Variants in MPP7 observed in about 807,000 individuals in gnomAD.
The protein encoded by MPP7 is MAGUK p55 subfamily member 7.
Under a neutral mutation model 76.5 loss-of-function variants are expected in MPP7, and 60 were observed. That is an observed-to-expected ratio of 0.78 (90% CI 0.64 to 0.97). The LOEUF is 0.97. MPP7 is among the 50% of genes least tolerant of loss of function. The pLI, the probability that MPP7 is intolerant of heterozygous loss-of-function variation, is 0.00. For synonymous variants in MPP7, 237 were observed against 244.5 expected, an observed-to-expected ratio of 0.97 and a Z score of 0.29; for missense variants, 641 against 694.0, an observed-to-expected ratio of 0.92 and a Z score of 0.86.
At chr10:28,213,881 A>C (rs537221878) in intron 2 of MPP7, among the ~76,000 whole-genome samples, 1 of 151,874 alleles carries the variant, frequency 6.6e-6, no homozygotes, top group South Asian at 2.1e-4. Context: ...GATCCAGGGA[A>C]GTCATAAATT....
intron 4 of MPP7, 38 bp downstream of exon 4, chr10:28,149,944 G>A: frequency 1.9e-6 from 3 of 1,565,692 alleles, no homozygotes; most frequent in Non-Finnish European, 2.6e-6. Context: ...CAGGTCTGCA[G>A]CAGACACATC....
chr10:28,123,433 A>T (rs191677546), intron 8 of MPP7, among the ~76,000 whole-genome samples: 1 of 149,912 alleles, frequency 6.7e-6, no homozygotes, highest in East Asian at 2.0e-4. Context: ...TGCTAAGTAT[A>T]GACTTGGGAC....
At chr10:28,148,519 G>A (rs1835779564) in intron 4 of MPP7, among the ~76,000 whole-genome samples, 1 of 151,872 alleles carries the variant, frequency 6.6e-6, no homozygotes, top group Admixed American at 6.6e-5. Context: ...CTCTGGAAAA[G>A]GAATTTTCTC....
At chr10:28,152,258 T>C (rs994576685) in intron 3 of MPP7, among the ~76,000 whole-genome samples, 3 of 152,186 alleles carry the variant, frequency 2.0e-5, no homozygotes, top group Non-Finnish European at 4.4e-5. Flanking sequence ...TTTTGTGCCA[T>C]ATCAAACATT....
chr10:28,327,056 G>C (rs548692268), intron 2 of MPP7, among the ~76,000 whole-genome samples: 1 of 152,010 alleles, frequency 6.6e-6, no homozygotes, highest in Non-Finnish European at 1.5e-5. Context: ...GCATTTACTT[G>C]GGAAAGCAAA....
intron 1 of MPP7, among the ~76,000 whole-genome samples, chr10:28,256,818 CTG>C (rs1231482651): frequency 6.6e-5 from 10 of 152,316 alleles, no homozygotes; most frequent in Middle Eastern, 3.4e-3. Flanking sequence ...ATATGAGAAT[CTG>C]TGTGTCTTTC....
intron 1 of MPP7, among the ~76,000 whole-genome samples, chr10:28,255,227 C>T (rs1274132530): frequency 6.6e-6 from 1 of 152,084 alleles, no homozygotes; most frequent in Non-Finnish European, 1.5e-5. Context: ...GATTCTCCTG[C>T]CTCAGCCTCC....
intron 2 of MPP7, among the ~76,000 whole-genome samples, chr10:28,317,527 T>C (rs957565758): frequency 6.6e-6 from 1 of 152,210 alleles, no homozygotes; most frequent in Non-Finnish European, 1.5e-5. Flanking sequence ...CAAGACCCTG[T>C]ATTTAAAAAT....
At chr10:28,133,949 C>T (rs180828792) in intron 5 of MPP7, among the ~76,000 whole-genome samples, 1 of 152,014 alleles carries the variant, frequency 6.6e-6, no homozygotes, top group African/African-American at 2.4e-5. Flanking sequence ...ATTTCTTTAC[C>T]CATTATGCCT....
At chr10:28,324,860 T>C (rs948023721) in intron 2 of MPP7, among the ~76,000 whole-genome samples, 5 of 152,154 alleles carry the variant, frequency 3.3e-5, no homozygotes, top group Admixed American at 6.6e-5. Context: ...TTTTTAACAG[T>C]TGAAGAAGCT....
chr10:28,165,244 G>A (rs1197141535), intron 3 of MPP7, among the ~76,000 whole-genome samples: 1 of 152,158 alleles, frequency 6.6e-6, no homozygotes. Flanking sequence ...TAAAGATATT[G>A]ATTGGGCACT....
At chr10:28,303,162 G>A (rs534130498), upstream of MPP7, 75 of 150,562 alleles carry the variant, frequency 5.0e-4, no homozygotes, top group African/African-American at 1.7e-3. Context: ...GGCTGCGAAG[G>A]CGATAGGCGT....
intron 11 of MPP7, among the ~76,000 whole-genome samples, chr10:28,107,925 C>A (rs1834375441): frequency 6.6e-6 from 1 of 152,180 alleles, no homozygotes; most frequent in Non-Finnish European, 1.5e-5. Flanking sequence ...CTGTATTATT[C>A]TGAAATGAGT....
At chr10:28,173,227 GAAA>G (rs71523597) in intron 3 of MPP7, among the ~76,000 whole-genome samples, 1 of 116,606 alleles carries the variant, frequency 8.6e-6, no homozygotes, top group African/African-American at 3.3e-5. Flanking sequence ...GAGTAGCGAT[GAAA>G]AAAAAAAAAA....
rs186810838 is a variant in MPP7 at position 28,150,055 on chromosome 10, T to C, written c.161A>G (p.His54Arg). 7 of 1,613,086 alleles carry C rather than the reference T, an allele frequency of 4.3e-6. No individual in the cohort carries two copies. The highest frequency in any genetic ancestry group is 1.3e-5 in the African/African-American group (1 of 75,050). Residue 54 changes from histidine (H) to arginine (R), a missense_variant, in exon 4 of 17, where the codon CAT (histidine) becomes CGT (arginine). Coordinates refer to ENST00000683449, the MANE Select transcript of MPP7 (RefSeq NM_001318170.2). ...CTTCTCATAGTAGTGTAGTTTTTCATGAATCTGGAAGAAAATCAAATGCAT... is the reference window on the plus strand; with the variant it reads ...CTTCTCATAGTAGTGTAGTTTTTCACGAATCTGGAAGAAAATCAAATGCAT... Reference protein sequence around the residue: ...EKSLHSLVKIHEKLHYYEKQS... With the variant: ...EKSLHSLVKIREKLHYYEKQS...
At chr10:28,103,841 G>A (rs1853950206) in intron 11 of MPP7, among the ~76,000 whole-genome samples, 4 of 152,046 alleles carry the variant, frequency 2.6e-5, no homozygotes, top group Non-Finnish European at 5.9e-5. Flanking sequence ...TCTCTCTCGA[G>A]AGAAGCCATA....
chr10:28,122,757 A>C, intron 8 of MPP7, among the ~76,000 whole-genome samples: 1 of 152,250 alleles, frequency 6.6e-6, no homozygotes, highest in East Asian at 1.9e-4. Context: ...TTGAAACATT[A>C]GCCTTTTATT....
chr10:28,073,307 C>G (rs1424027915), intron 12 of MPP7, among the ~76,000 whole-genome samples: 1 of 152,158 alleles, frequency 6.6e-6, no homozygotes, highest in Non-Finnish European at 1.5e-5. Flanking sequence ...TGTTTTGCCT[C>G]CTGTCCCGAA....
At chr10:28,264,812 G>A (rs1445019319) in intron 1 of MPP7, among the ~76,000 whole-genome samples, 1 of 152,134 alleles carries the variant, frequency 6.6e-6, no homozygotes, top group Non-Finnish European at 1.5e-5. Flanking sequence ...TATGGTGGCG[G>A]TGGGTAAAAA....
Sources: allele counts gnomAD v4.1 joint callset (sites outside exome capture counted in the v4.1 genomes callset), GRCh38; gene constraint gnomAD v4.1.1; transcripts MANE v1.5; gene names NCBI Gene and HGNC (gene_info 2026-07-23, HGNC 2026-07-21).